Variants in FRA10AC1 observed in about 807,000 individuals in gnomAD.
FRA10AC1 encodes protein FRA10AC1.
Under a neutral mutation model 56.5 loss-of-function variants are expected in FRA10AC1, and 43 were observed. The ratio of observed to expected loss-of-function variants is 0.76; its 90% CI spans 0.60 to 0.98. The LOEUF is 0.98. FRA10AC1 is among the 50% of genes least tolerant of loss of function. The pLI is 0.00. For synonymous variants in FRA10AC1, 112 were observed against 110.5 expected (o/e 1.01, Z -0.09); for missense variants, 346 against 351.8 (o/e 0.98, Z 0.13).
intron 7 of FRA10AC1, among the ~76,000 whole-genome samples, chr10:93,691,626 T>G (rs572562462): frequency 6.6e-6 from 1 of 152,328 alleles, no homozygotes; most frequent in African/African-American, 2.4e-5. Flanking sequence ...GGTAATCAAT[T>G]TTTAAAATCT....
rs10554752 is a variant in FRA10AC1 at position 93,694,713 on chromosome 10, T to TA, written c.296+147dup. On this transcript the variant is annotated intron_variant, in intron 5 of 13. Coordinates refer to ENST00000359204, the MANE Select transcript of FRA10AC1 (RefSeq NM_145246.5). The stretch of plus-strand genomic sequence containing the variant: ...TGGGCGACAGAGTGAGACTCCATCT[T>TA]AAAAAAAAAAAAAAAAAAAAAAAAA... 5.2e-3 allele frequency: 1,249 copies of TA among 240,014 alleles called. 12 individuals carry two copies. The highest frequency in any genetic ancestry group is 5.7e-3 in the Non-Finnish European group (806 of 141,428). The allele number at this position is 240,014 out of a possible 1,614,324, so 14.9% of individuals were successfully genotyped here.
rs377080252 is a variant in FRA10AC1 at position 93,689,835 on chromosome 10, C to T, written c.465+2174G>A. ...GCACTCATCACAATGAGGTCACGTACGCAAGCAGTAAACAAGAAGGATTCT... is the reference window on the plus strand; with the variant it reads ...GCACTCATCACAATGAGGTCACGTATGCAAGCAGTAAACAAGAAGGATTCT... On this transcript the variant is annotated intron_variant, in intron 7 of 13. Transcript: ENST00000359204. 7.2e-5 allele frequency among the ~76,000 whole-genome samples: 11 copies of T among 152,150 alleles called. No homozygotes were observed. The East Asian group carries it at 9.6e-4, about 13-fold the overall frequency.
rs1359570641 is a variant in FRA10AC1 at position 93,702,487 on chromosome 10, C to G, written c.-113G>C. On this transcript the variant is annotated 5_prime_UTR_variant, in exon 1 of 14. Transcript: ENST00000359204. Reference sequence around the variant, plus strand: ...GAGAGAGCCGCTGCAGCACAGGTCCCGTGCGCCCTGCCGCACAGCCTCGCC... The same window carrying G: ...GAGAGAGCCGCTGCAGCACAGGTCCGGTGCGCCCTGCCGCACAGCCTCGCC... 4.8e-5 allele frequency: 10 copies of G among 207,662 alleles called. 1 individual carries two copies. The highest frequency in any genetic ancestry group is 8.5e-5 in the Non-Finnish European group (9 of 106,040). 12.9% of individuals were successfully genotyped at this position (207,662 alleles called of 1,614,324 possible).
chr10:93,695,374 A>T (rs1199667003), intron 4 of FRA10AC1, among the ~76,000 whole-genome samples: 1 of 151,812 alleles, frequency 6.6e-6, no homozygotes, highest in Non-Finnish European at 1.5e-5. Context: ...AAGCCTCTAA[A>T]TAGAAGATGC....
intron 12 of FRA10AC1, chr10:93,675,124 A>G (rs975093476): frequency 3.3e-5 from 5 of 152,182 alleles, no homozygotes; most frequent in African/African-American, 9.6e-5. Context: ...TACAAGCAAA[A>G]TAATTATAAG....
intron 11 of FRA10AC1, among the ~76,000 whole-genome samples, chr10:93,679,934 G>A (rs1177384864): frequency 6.6e-6 from 1 of 152,182 alleles, no homozygotes; most frequent in Admixed American, 6.5e-5. Flanking sequence ...AAAGTATCAA[G>A]GATAATCCCC....
chr10:93,673,353 T>C (rs1297991446), intron 12 of FRA10AC1: 2 of 456,610 alleles, frequency 4.4e-6, no homozygotes, highest in Non-Finnish European at 8.8e-6. Flanking sequence ...CAGGTAAACA[T>C]CTGCAGTTCC....
At chr10:93,674,219 G>A (rs1161215444) in intron 12 of FRA10AC1, 5 of 152,066 alleles carry the variant, frequency 3.3e-5, no homozygotes, top group African/African-American at 9.7e-5. Context: ...TCTACAAAAC[G>A]AGGATATTAT....
chr10:93,689,956 C>T (rs1192027251), intron 7 of FRA10AC1, among the ~76,000 whole-genome samples: 2 of 152,024 alleles, frequency 1.3e-5, no homozygotes, highest in Non-Finnish European at 2.9e-5. Flanking sequence ...TCTTCTCTGT[C>T]CTTGCAGCTG....
chr10:93,686,087 G>T (rs1390243329), intron 8 of FRA10AC1, among the ~76,000 whole-genome samples: 1 of 151,728 alleles, frequency 6.6e-6, no homozygotes, highest in South Asian at 2.1e-4. Flanking sequence ...AAAAAGACAA[G>T]ATCAAACTCT....
chr10:93,673,061 A>G (rs1413904483), intron 12 of FRA10AC1: 10 of 225,674 alleles, frequency 4.4e-5, no homozygotes, highest in Admixed American at 5.6e-5. Flanking sequence ...CACTTATCCA[A>G]TGAATGAACT....
rs556932120 is a variant in FRA10AC1, at chr10:93,699,402, C to G, written c.77+628G>C. On this transcript the variant is annotated intron_variant, in intron 2 of 13. Coordinates refer to ENST00000359204, the MANE Select transcript of FRA10AC1 (RefSeq NM_145246.5). ...CCGTGTAAGTTTGGTTAGTATACAT[C>G]AGTCAACCACTCCTGAGTCAAAGTA... 8.5e-5 allele frequency among the ~76,000 whole-genome samples: 13 copies of G among 152,224 alleles called. No homozygotes were observed. The South Asian group carries it at 2.5e-3, about 29-fold the overall frequency.
At chr10:93,676,327 T>C (rs1305858884) in intron 12 of FRA10AC1, among the ~76,000 whole-genome samples, 1 of 152,172 alleles carries the variant, frequency 6.6e-6, no homozygotes, top group African/African-American at 2.4e-5. Context: ...GTGAAAACCA[T>C]AGGCCTAATT....
chr10:93,675,866 A>G (rs1337520266), intron 12 of FRA10AC1, among the ~76,000 whole-genome samples: 2 of 152,196 alleles, frequency 1.3e-5, no homozygotes, highest in Non-Finnish European at 2.9e-5. Context: ...ATTCAACATT[A>G]TATTACTGTT....
intron 8 of FRA10AC1, among the ~76,000 whole-genome samples, chr10:93,686,623 C>T (rs1323733317): frequency 1.3e-5 from 2 of 149,584 alleles, no homozygotes; most frequent in Non-Finnish European, 3.0e-5. Context: ...TCACACCTAA[C>T]ATAGCCAACT....
chr10:93,671,792 G>T, intron 12 of FRA10AC1: 1 of 304,220 alleles, frequency 3.3e-6, no homozygotes, highest in Non-Finnish European at 6.3e-6. Flanking sequence ...TTGTAAGTTT[G>T]CAAAAGCCAA....
chr10:93,687,926 TCACA>T (rs61137234), intron 7 of FRA10AC1: 60,208 of 151,838 alleles, frequency 0.4, 14,325 homozygotes, highest in Non-Finnish European at 0.52. Flanking sequence ...TCCTTGGTAC[TCACA>T]GAGGTTTAAA....
At chr10:93,681,888 A>G (rs1334838595) in intron 10 of FRA10AC1, among the ~76,000 whole-genome samples, 1 of 152,062 alleles carries the variant, frequency 6.6e-6, no homozygotes, top group Non-Finnish European at 1.5e-5. Context: ...CTTTCTTTCT[A>G]TATTCTATCA....
At position 93,668,281 on chromosome 10, in the gene FRA10AC1, C is replaced by A. The variant is rs139193790; in HGVS notation, c.*1545G>T. 6.6e-6 allele frequency: 1 copy of A among 152,276 alleles called. No homozygotes were observed. Among genetic ancestry groups the A allele is most frequent in the East Asian group, 1.9e-4 (1 of 5,182 alleles). 9.4% of individuals were successfully genotyped at this position (152,276 alleles called of 1,614,324 possible). On this transcript the variant is annotated 3_prime_UTR_variant, in exon 14 of 14. Coordinates refer to ENST00000359204, the MANE Select transcript of FRA10AC1 (RefSeq NM_145246.5). Reference sequence around the variant, plus strand: ...TCTTATTCATCAAGTCAAGCATCTTCTCCTATATCTATCCATCTATTTGCT... The same window carrying A: ...TCTTATTCATCAAGTCAAGCATCTTATCCTATATCTATCCATCTATTTGCT...
Sources: allele counts gnomAD v4.1 joint callset (sites outside exome capture counted in the v4.1 genomes callset), GRCh38; gene constraint gnomAD v4.1.1; transcripts MANE v1.5; gene names NCBI Gene and HGNC (gene_info 2026-07-23, HGNC 2026-07-21).